Variants in ASTN2 observed in about 807,000 individuals in gnomAD.
ASTN2 encodes the protein astrotactin 2, also known as astrotactin-2.
In ASTN2, 54 loss-of-function variants were observed where a neutral mutation model predicts 139.8. The observed-to-expected ratio is 0.39, with a 90% CI of 0.31 to 0.48. ASTN2 has a LOEUF of 0.48. Among genes scored for constraint, ASTN2 ranks in the 20% least tolerant of loss-of-function variants. The pLI is 0.95. For missense variants in ASTN2, 1,565 were observed against 1,725.1 expected, an observed-to-expected ratio of 0.91 and a Z score of 1.64; for synonymous variants, 756 against 719.5, an observed-to-expected ratio of 1.05 and a Z score of -0.81.
At chr9:116,426,932 C>A (rs1323624943) in intron 22 of ASTN2, among the ~76,000 whole-genome samples, 1 of 152,104 alleles carries the variant, frequency 6.6e-6, no homozygotes. Context: ...CTGGAATGCG[C>A]CCTCAGGATC....
rs182351142 is a variant in ASTN2 at position 116,429,753 on chromosome 9, C to T, written c.3783-3665G>A. 5.3e-5 allele frequency among the ~76,000 whole-genome samples: 8 copies of T among 152,218 alleles called. No individual in the cohort carries two copies. The East Asian group carries it at 1.5e-3, about 29-fold the overall frequency. ...AACTCAGTGACAAGAGACAGGCAGACAGAAATATTAACATTCTCTAATTCG... is the reference window on the plus strand; with the variant it reads ...AACTCAGTGACAAGAGACAGGCAGATAGAAATATTAACATTCTCTAATTCG... On this transcript the variant is annotated intron_variant, in intron 22 of 22. Coordinates refer to ENST00000313400, the MANE Select transcript of ASTN2 (RefSeq NM_001365068.1).
chr9:116,494,900 C>T (rs1849623532), intron 19 of ASTN2, among the ~76,000 whole-genome samples: 1 of 152,162 alleles, frequency 6.6e-6, no homozygotes, highest in Non-Finnish European at 1.5e-5. Flanking sequence ...TTCAGTCACC[C>T]TTGTGTTACT....
chr9:116,805,848 A>G, intron 12 of ASTN2, 28 bp from the exon 13 acceptor site: 1 of 1,605,726 alleles, frequency 6.2e-7, no homozygotes, highest in East Asian at 2.2e-5. Context: ...GCTCAGAATT[A>G]GCTTCACATC....
chr9:116,442,681 C>A (rs1321923), intron 20 of ASTN2, 128 bp from the exon 21 acceptor site: 699,330 of 754,390 alleles, frequency 0.93, 324,564 homozygotes, highest in East Asian at 0.96. Flanking sequence ...AAGAATGATA[C>A]TTATAAAGCA....
Position 117,414,319 on chromosome 9 carries a change from C to G in ASTN2, c.442+178G>C, listed in dbSNP as rs893334797. On this transcript the variant is annotated intron_variant, in intron 1 of 22. Transcript: ENST00000313400. This position sits in a 1 kb window ranked among gnomAD's most constrained non-coding sequence, Gnocchi z 4.2. ...GCTCCCGCCGCGCGCTCTCCAGGAC[C>G]TCCTCCCACATGCTCGTTTCCAACC... is the stretch of plus-strand genomic sequence containing the variant. Among the ~76,000 whole-genome samples, 2 of 152,160 alleles carry G rather than the reference C, an allele frequency of 1.3e-5. No homozygotes were observed. Among genetic ancestry groups the G allele is most frequent in the African/African-American group, 4.8e-5 (2 of 41,462 alleles).
At chr9:116,697,887 G>A in intron 16 of ASTN2, 1 of 1,614,198 alleles carries the variant, frequency 6.2e-7, no homozygotes, top group Non-Finnish European at 8.5e-7. Flanking sequence ...CCAGTGCCTG[G>A]AGAAGCTATT....
intron 2 of ASTN2, among the ~76,000 whole-genome samples, chr9:117,284,903 T>C (rs1019505102): frequency 1.6e-4 from 24 of 152,348 alleles, no homozygotes; most frequent in African/African-American, 5.8e-4. Flanking sequence ...TCACAGGTCT[T>C]ACAAGTTAGT....
At position 116,699,586 on chromosome 9, in the gene ASTN2, G is replaced by A. The variant is rs1861070976; in HGVS notation, c.2806+26185C>T. 5 of 1,614,088 alleles carry A rather than the reference G, an allele frequency of 3.1e-6. No individual in the cohort carries two copies. Among genetic ancestry groups the A allele is most frequent in the Non-Finnish European group, 4.2e-6 (5 of 1,180,034 alleles). On this transcript the variant is annotated intron_variant, in intron 16 of 22. Coordinates refer to ENST00000313400, the MANE Select transcript of ASTN2 (RefSeq NM_001365068.1). The surrounding 1 kb of genome is among the most constrained non-coding windows in gnomAD (Gnocchi z 4.2). Reference sequence around the variant, plus strand: ...GGCTATAGTGTCCTTATTCGAGAGGGACTTACCTGTCCGGTGGGCATAGCC... The same window carrying A: ...GGCTATAGTGTCCTTATTCGAGAGGAACTTACCTGTCCGGTGGGCATAGCC...
intron 2 of ASTN2, among the ~76,000 whole-genome samples, chr9:117,281,520 G>A (rs542846848): frequency 2.0e-5 from 3 of 152,310 alleles, no homozygotes; most frequent in African/African-American, 7.2e-5. Context: ...TGGGGCATAT[G>A]AGAAAGGGAG....
intron 2 of ASTN2, among the ~76,000 whole-genome samples, chr9:117,216,938 T>C (rs970596376): frequency 2.6e-5 from 4 of 152,150 alleles, no homozygotes; most frequent in Non-Finnish European, 5.9e-5. Flanking sequence ...TTATGCTGTA[T>C]AGATGAGGAA....
intron 5 of ASTN2, among the ~76,000 whole-genome samples, chr9:117,060,138 C>A (rs924749950): frequency 6.6e-6 from 1 of 151,636 alleles, no homozygotes; most frequent in African/African-American, 2.4e-5. Context: ...TGGTGAAACC[C>A]CATCTCTACT....
chr9:116,737,035 G>A (rs1201497747), intron 13 of ASTN2, among the ~76,000 whole-genome samples: 3 of 152,176 alleles, frequency 2.0e-5, no homozygotes, highest in Non-Finnish European at 4.4e-5. Flanking sequence ...GTAGAGGGGG[G>A]ACTTGGAGAA....
intron 16 of ASTN2, among the ~76,000 whole-genome samples, chr9:116,697,100 C>T (rs918245503): frequency 1.3e-5 from 2 of 152,078 alleles, no homozygotes; most frequent in African/African-American, 2.4e-5. Flanking sequence ...AGGTAGAATC[C>T]ATCATTCCAT....
intron 5 of ASTN2, among the ~76,000 whole-genome samples, chr9:117,088,370 T>G (rs1828621633): frequency 6.6e-6 from 1 of 152,196 alleles, no homozygotes; most frequent in South Asian, 2.1e-4. Context: ...CATCCCATTT[T>G]CATTTCCTGG....
chr9:116,697,974 G>A lies in ASTN2; in HGVS notation c.2806+27797C>T, dbSNP rs1252982308. 1.9e-6 allele frequency: 3 copies of A among 1,614,218 alleles called. No individual in the cohort carries two copies. Among genetic ancestry groups the A allele is most frequent in the Non-Finnish European group, 2.5e-6 (3 of 1,180,050 alleles). On this transcript the variant is annotated intron_variant, in intron 16 of 22. Coordinates refer to ENST00000313400, the MANE Select transcript of ASTN2 (RefSeq NM_001365068.1). ...CATAACCAGCTTGACCCAGCTGACAGACAATCTGACAGTGCTAAAGATCAT... is the reference window on the plus strand; with the variant it reads ...CATAACCAGCTTGACCCAGCTGACAAACAATCTGACAGTGCTAAAGATCAT...
At chr9:116,913,554 T>G (rs955431967) in intron 10 of ASTN2, among the ~76,000 whole-genome samples, 1 of 152,214 alleles carries the variant, frequency 6.6e-6, no homozygotes, top group Non-Finnish European at 1.5e-5. Context: ...TGCAGCCTTT[T>G]CTAAAAGGAG....
In ASTN2 at chr9:116,728,882, C is replaced by A. The variant is rs1013192499; in HGVS notation, c.2626+110G>T. On this transcript the variant is annotated intron_variant, in intron 15 of 22. Coordinates refer to ENST00000313400, the MANE Select transcript of ASTN2 (RefSeq NM_001365068.1). ...CTTGATGGCAGAGAGGATGCATCCT[C>A]ATTTCCTCAGCATCCCCAGTGCTCT... is the stretch of plus-strand genomic sequence containing the variant. 6.9e-6 allele frequency: 6 copies of A among 873,860 alleles called. No homozygotes were observed. The African/African-American group carries it at 8.3e-5, about 12-fold the overall frequency. The allele number at this position is 873,860 out of a possible 1,614,324, so 54.1% of individuals were successfully genotyped here.
chr9:116,831,901 G>C (rs10983367), intron 11 of ASTN2, among the ~76,000 whole-genome samples: 1 of 151,966 alleles, frequency 6.6e-6, no homozygotes, highest in Non-Finnish European at 1.5e-5. Flanking sequence ...TCGTGAATAC[G>C]TATATCTTTC....
At chr9:117,092,769 G>A (rs1828737526) in intron 5 of ASTN2, among the ~76,000 whole-genome samples, 1 of 152,104 alleles carries the variant, frequency 6.6e-6, no homozygotes, top group South Asian at 2.1e-4. Context: ...ACACACCCCT[G>A]GGCAGACTGC....
Sources: gnomAD v4.1 joint callset for allele counts (sites outside exome capture counted in the v4.1 genomes callset) on GRCh38, gnomAD v4.1.1 for gene constraint, Gnocchi (gnomAD v3.1) non-coding constraint, MANE v1.5 for transcripts, NCBI Gene and HGNC (gene_info 2026-07-23, HGNC 2026-07-21) for gene names.